The following RBFOX1 variants were observed in gnomAD, a reference collection of about 807,000 sequenced individuals.
RBFOX1 encodes the protein RNA binding fox-1 homolog 1, also known as RNA binding protein fox-1 homolog 1.
Under a neutral mutation model 57.7 loss-of-function variants are expected in RBFOX1, and 8 were observed. The ratio of observed to expected loss-of-function variants is 0.14; its 90% CI spans 0.08 to 0.25. The LOEUF is 0.25. Ranked by LOEUF, RBFOX1 falls within the 10% of genes least tolerant of loss-of-function variation. The pLI is 1.00. For synonymous variants in RBFOX1, 326 were observed against 222.4 expected (o/e 1.47, Z -4.15); for missense variants, 611 against 548.5 (o/e 1.11, Z -1.14).
chr16:6,719,282 A>G lies in RBFOX1; in HGVS notation c.-16+64632A>G, dbSNP rs529436919. 2.0e-5 allele frequency among the ~76,000 whole-genome samples: 3 copies of G among 151,374 alleles called. No individual in the cohort carries two copies. The East Asian group carries it at 5.8e-4, about 29-fold the overall frequency. On this transcript the variant is annotated intron_variant, in intron 3 of 15. Coordinates refer to ENST00000550418, the MANE Select transcript of RBFOX1 (RefSeq NM_018723.4). The stretch of plus-strand genomic sequence containing the variant: ...TAGAAATACTAGGATTCAATATTCA[A>G]CAGAAAAAAAGAGGAAAAAATAGCC...
At chr16:6,811,857 C>T (rs950570728) in intron 3 of RBFOX1, among the ~76,000 whole-genome samples, 2 of 151,798 alleles carry the variant, frequency 1.3e-5, no homozygotes, top group South Asian at 2.1e-4. Context: ...CCATTGCACT[C>T]GAGCCTGGGC....
chr16:6,466,642 T>A (rs2095056456), intron 2 of RBFOX1, among the ~76,000 whole-genome samples: 1 of 152,170 alleles, frequency 6.6e-6, no homozygotes. Context: ...AATAGAGGGA[T>A]AAAGAATGTA....
At chr16:7,208,873 G>A (rs775350526) in intron 4 of RBFOX1, among the ~76,000 whole-genome samples, 1 of 152,014 alleles carries the variant, frequency 6.6e-6, no homozygotes, top group Non-Finnish European at 1.5e-5. Context: ...AAGCCCACCA[G>A]TTCTCCTAAG....
At chr16:6,908,481 A>T (rs1307204809) in intron 3 of RBFOX1, among the ~76,000 whole-genome samples, 2 of 152,078 alleles carry the variant, frequency 1.3e-5, no homozygotes, top group Non-Finnish European at 2.9e-5. Flanking sequence ...AGCATGCCCA[A>T]TCCTCTAGGA....
chr16:5,785,679 C>T (rs543932027), intron 3 of RBFOX1, among the ~76,000 whole-genome samples: 1 of 152,184 alleles, frequency 6.6e-6, no homozygotes, highest in East Asian at 1.9e-4. Flanking sequence ...AGGCATGCAC[C>T]ACCATACCCG....
intron 1 of RBFOX1, among the ~76,000 whole-genome samples, chr16:5,412,205 C>A (rs570310760): frequency 6.6e-6 from 1 of 152,060 alleles, no homozygotes; most frequent in African/African-American, 2.4e-5. Flanking sequence ...TCCTGACTTG[C>A]TATGAGAACT....
intron 2 of RBFOX1, among the ~76,000 whole-genome samples, chr16:6,487,026 A>G (rs1487388647): frequency 6.6e-6 from 1 of 152,154 alleles, no homozygotes; most frequent in Non-Finnish European, 1.5e-5. Context: ...TTTGGAAACC[A>G]TCGCATATTA....
intron 1 of RBFOX1, among the ~76,000 whole-genome samples, chr16:5,414,589 C>A (rs949133987): frequency 2.6e-5 from 4 of 152,120 alleles, no homozygotes; most frequent in African/African-American, 9.7e-5. Context: ...GGTTGGTGTC[C>A]AGCTTCCAGA....
chr16:5,714,989 G>A (rs2051636229), intron 3 of RBFOX1, among the ~76,000 whole-genome samples: 2 of 152,156 alleles, frequency 1.3e-5, no homozygotes, highest in Admixed American at 6.5e-5. Flanking sequence ...GAATAAACCC[G>A]AAGCAGATTA....
intron 3 of RBFOX1, among the ~76,000 whole-genome samples, chr16:6,741,328 C>T (rs538768739): frequency 7.2e-5 from 11 of 152,022 alleles, no homozygotes; most frequent in Non-Finnish European, 1.2e-4. Flanking sequence ...CGGTGACATG[C>T]CACCAAGGGT....
intron 4 of RBFOX1, among the ~76,000 whole-genome samples, chr16:7,141,618 A>T (rs2073812907): frequency 1.3e-5 from 2 of 152,212 alleles, no homozygotes; most frequent in Admixed American, 6.5e-5. Flanking sequence ...GTTCATTAAC[A>T]TATTAATGCC....
chr16:6,533,469 C>T (rs574223377), intron 2 of RBFOX1, among the ~76,000 whole-genome samples: 2 of 151,062 alleles, frequency 1.3e-5, no homozygotes, highest in East Asian at 3.9e-4. Context: ...GAACACAGAG[C>T]AGTGGTTCTG....
intron 3 of RBFOX1, among the ~76,000 whole-genome samples, chr16:6,886,645 C>T (rs139973905): frequency 4.6e-5 from 7 of 151,946 alleles, no homozygotes; most frequent in African/African-American, 1.4e-4. Context: ...ATCCTAGCTG[C>T]TCAGGAGGCT....
At chr16:6,370,600 G>A (rs940045152) in intron 2 of RBFOX1, among the ~76,000 whole-genome samples, 1 of 152,088 alleles carries the variant, frequency 6.6e-6, no homozygotes, top group African/African-American at 2.4e-5. Flanking sequence ...GACAAATATT[G>A]TATGATTCTA....
At chr16:5,837,415 A>G (rs1055778450) in intron 3 of RBFOX1, among the ~76,000 whole-genome samples, 27 of 152,154 alleles carry the variant, frequency 1.8e-4, no homozygotes, top group Non-Finnish European at 3.4e-4. Context: ...GTCCCAGTCC[A>G]AGTCTGACTC....
downstream of RBFOX1, among the ~76,000 whole-genome samples, chr16:5,605,026 C>A (rs1417857104): frequency 1.3e-5 from 2 of 152,224 alleles, no homozygotes; most frequent in Admixed American, 1.3e-4. Flanking sequence ...AGCCCGCGCA[C>A]ACACACCCAC....
At chr16:7,361,234 G>T (rs767942575) in intron 4 of RBFOX1, among the ~76,000 whole-genome samples, 13 of 152,108 alleles carry the variant, frequency 8.5e-5, no homozygotes, top group Non-Finnish European at 1.6e-4. Context: ...GGCTCTGAAG[G>T]CCTGTTTGTG....
chr16:7,579,717 C>G, intron 5 of RBFOX1, 60 bp from the exon 6 acceptor site: 1 of 1,598,072 alleles, frequency 6.3e-7, no homozygotes, highest in Non-Finnish European at 8.6e-7. Context: ...AGCAAAAGAG[C>G]ATCGGAAGAG....
chr16:7,306,663 C>T, intron 4 of RBFOX1, among the ~76,000 whole-genome samples: 1 of 151,670 alleles, frequency 6.6e-6, no homozygotes, highest in East Asian at 1.9e-4. Flanking sequence ...TTTATTTTTG[C>T]CTGTTTCATT....
Sources: gnomAD v4.1 joint callset for allele counts (sites outside exome capture counted in the v4.1 genomes callset) on GRCh38, gnomAD v4.1.1 for gene constraint, MANE v1.5 for transcripts, NCBI Gene and HGNC (gene_info 2026-07-23, HGNC 2026-07-21) for gene names.